The following PI15 variants were observed in gnomAD, a reference collection of about 807,000 sequenced individuals.
PI15 encodes the protein peptidase inhibitor 15.
In PI15, 18 loss-of-function variants were observed where a neutral mutation model predicts 31.0. The ratio of observed to expected loss-of-function variants is 0.58; its 90% CI spans 0.40 to 0.86. The LOEUF (loss-of-function observed/expected upper bound fraction) is 0.86, where lower values mean the gene tolerates loss of function less well. Ranked by LOEUF, PI15 falls within the 40% of genes least tolerant of loss-of-function variation. The pLI is 0.00. For synonymous variants in PI15, 118 were observed against 119.1 expected, an observed-to-expected ratio of 0.99 and a Z score of 0.06; for missense variants, 282 against 328.1, an observed-to-expected ratio of 0.86 and a Z score of 1.09.
intron 2 of PI15, among the ~76,000 whole-genome samples, chr8:74,840,830 G>T (rs1284848401): frequency 6.6e-6 from 1 of 152,204 alleles, no homozygotes. Flanking sequence ...CACAGTGAGA[G>T]AAAGCAATTA....
intron 2 of PI15, among the ~76,000 whole-genome samples, chr8:74,840,687 G>A (rs867871685): frequency 6.6e-6 from 1 of 152,136 alleles, no homozygotes; most frequent in Admixed American, 6.5e-5. Flanking sequence ...TCTGACTTCC[G>A]CTGCAGTGGG....
chr8:74,843,135 T>C (rs1345605664), intron 2 of PI15, among the ~76,000 whole-genome samples: 2 of 152,188 alleles, frequency 1.3e-5, no homozygotes, highest in Non-Finnish European at 2.9e-5. Flanking sequence ...CTTTGTTTCT[T>C]AAAATATATT....
At chr8:74,843,038 A>G (rs1406721228) in intron 2 of PI15, among the ~76,000 whole-genome samples, 1 of 152,154 alleles carries the variant, frequency 6.6e-6, no homozygotes, top group Non-Finnish European at 1.5e-5. Flanking sequence ...GTTTTATTAC[A>G]CCATAATAGA....
rs1810681097 is a variant in PI15 at position 74,825,410 on chromosome 8, C to G, written c.161C>G (p.Pro54Arg). Reference sequence around the variant, plus strand: ...GCACAATTAGATTCAGCGGATATCCCCAAAGCCAGGCGGAAGCGCTACATT... The same window carrying G: ...GCACAATTAGATTCAGCGGATATCCGCAAAGCCAGGCGGAAGCGCTACATT... The part of the protein sequence containing the change: ...LKAQLDSADI[P>R]KARRKRYISQ... Residue 54 changes from proline to arginine, a missense_variant, in exon 2 of 6, where the codon CCC becomes CGC. By Grantham distance (103) the Pro-to-Arg change is moderately radical. Transcript: ENST00000260113. 1 of 1,613,304 alleles carries G rather than the reference C, an allele frequency of 6.2e-7. No homozygotes were observed. The highest frequency in any genetic ancestry group is 1.3e-5 in the African/African-American group (1 of 74,854).
intron 2 of PI15, among the ~76,000 whole-genome samples, chr8:74,825,740 T>A (rs1249187551): frequency 6.6e-6 from 1 of 152,078 alleles, no homozygotes; most frequent in African/African-American, 2.4e-5. Flanking sequence ...GACAGACAGA[T>A]AGAGAGAATC....
intron 3 of PI15, 176 bp from the exon 4 acceptor site, chr8:74,844,952 C>CCCTA (rs1811002621): frequency 1.7e-6 from 1 of 600,006 alleles, no homozygotes; most frequent in Admixed American, 2.9e-5. Context: ...CCATGCTTGG[C>CCCTA]CCTAGTTGGA....
Position 74,849,338 on chromosome 8 carries a change from T to C in PI15, c.*85T>C. 1.0e-6 allele frequency: 1 copy of C among 1,004,304 alleles called. No individual in the cohort carries two copies. Among genetic ancestry groups the C allele is most frequent in the Non-Finnish European group, 1.4e-6 (1 of 696,430 alleles). The allele number at this position is 1,004,304 out of a possible 1,614,324, so 62.2% of individuals were successfully genotyped here. ...ATATGGAGAGAGAATTTTGCACATA[T>C]TATACATATTTTGTGCTAATCTTGT... On this transcript the variant is annotated 3_prime_UTR_variant, in exon 6 of 6. Coordinates refer to ENST00000260113, the MANE Select transcript of PI15 (RefSeq NM_015886.5).
chr8:74,831,796 G>A (rs1810785668), intron 2 of PI15, among the ~76,000 whole-genome samples: 2 of 152,088 alleles, frequency 1.3e-5, no homozygotes, highest in South Asian at 4.1e-4. Context: ...AGTTATACAG[G>A]TGTGAGTTAA....
intron 2 of PI15, among the ~76,000 whole-genome samples, chr8:74,827,200 T>C (rs1810712384): frequency 6.6e-6 from 1 of 152,086 alleles, no homozygotes; most frequent in Admixed American, 6.6e-5. Flanking sequence ...CTTTGTGGCC[T>C]TGCACAGGTT....
intron 2 of PI15, among the ~76,000 whole-genome samples, chr8:74,832,894 T>C (rs2128764065): frequency 6.6e-6 from 1 of 152,260 alleles, no homozygotes; most frequent in Non-Finnish European, 1.5e-5. Flanking sequence ...ACTGAAGTAG[T>C]CCAAAAGTGT....
rs577210460 is a variant in PI15 at position 74,839,292 on chromosome 8, A to G, written c.274-4689A>G. On this transcript the variant is annotated intron_variant, in intron 2 of 5. Transcript: ENST00000260113. ...TTATAAGCACAATAGCTCATGGTGA[A>G]TATTTTAGTCCAGAGCTAAATCAAC... Among the ~76,000 whole-genome samples the G allele has an allele frequency of 2.5e-3, 377 of 152,314 alleles. 2 individuals are homozygous for G. Among genetic ancestry groups the G allele is most frequent in the African/African-American group, 8.3e-3 (344 of 41,582 alleles).
At chr8:74,827,350 C>G (rs986559835) in intron 2 of PI15, among the ~76,000 whole-genome samples, 1 of 152,110 alleles carries the variant, frequency 6.6e-6, no homozygotes, top group African/African-American at 2.4e-5. Flanking sequence ...TAGGTAAACA[C>G]AGTATAAGTA....
chr8:74,833,113 G>C (rs1011578630), intron 2 of PI15, among the ~76,000 whole-genome samples: 1 of 152,054 alleles, frequency 6.6e-6, no homozygotes, highest in Non-Finnish European at 1.5e-5. Context: ...AGTATCACAG[G>C]AGAGTTCAAC....
At chr8:74,843,922 C>T in intron 2 of PI15, 59 bp from the exon 3 acceptor site, 1 of 826,766 alleles carries the variant, frequency 1.2e-6, no homozygotes, top group Non-Finnish European at 2.2e-6. Context: ...TTTATTTTGT[C>T]TTACTTTTTG....
At chr8:74,837,424 G>A (rs1037650388) in intron 2 of PI15, among the ~76,000 whole-genome samples, 2 of 151,994 alleles carry the variant, frequency 1.3e-5, no homozygotes, top group African/African-American at 2.4e-5. Context: ...TTTAACACAA[G>A]TTCTTGTATA....
At chr8:74,848,732 T>TAGAGAGAGAGAGAGAGAG (rs1004356103) in intron 5 of PI15, among the ~76,000 whole-genome samples, 3 of 136,354 alleles carry the variant, frequency 2.2e-5, no homozygotes, top group Non-Finnish European at 4.6e-5. Context: ...TATATATATA[T>TAGAGAGAGAGAGAGAGAG]AGAGAGAGAG....
In PI15 at chr8:74,849,149, G is replaced by C. The variant is rs773374926; in HGVS notation, c.673G>C (p.Val225Leu). 1.2e-6 allele frequency: 2 copies of C among 1,613,144 alleles called. No homozygotes were observed. The highest frequency in any genetic ancestry group is 2.2e-5 in the East Asian group (1 of 44,784). Residue 225 changes from valine (V) to leucine (L), a missense_variant, in exon 6 of 6, where the codon GTA (valine) becomes CTA (leucine). By Grantham distance (32) the Val-to-Leu change is conservative. Transcript: ENST00000260113. ...TTGGATTGGAGAAGCACCATATAAA[G>C]TAGGGGTACCATGTTCATCTTGTCC... ...GNWIGEAPYKVGVPCSSCPPS... is the reference protein window; with the variant it reads ...GNWIGEAPYKLGVPCSSCPPS...
At chr8:74,827,030 A>C (rs1202726771) in intron 2 of PI15, among the ~76,000 whole-genome samples, 1 of 152,094 alleles carries the variant, frequency 6.6e-6, no homozygotes, top group African/African-American at 2.4e-5. Flanking sequence ...TGATGAAATA[A>C]ATATGCCTAA....
chr8:74,844,527 T>C (rs1052013103), intron 3 of PI15, among the ~76,000 whole-genome samples: 2 of 151,712 alleles, frequency 1.3e-5, no homozygotes, highest in African/African-American at 4.8e-5. Flanking sequence ...CATAAACATA[T>C]ACAATAAAAA....
Sources: gnomAD v4.1 joint callset for allele counts (sites outside exome capture counted in the v4.1 genomes callset) on GRCh38, gnomAD v4.1.1 for gene constraint, MANE v1.5 for transcripts, NCBI Gene and HGNC (gene_info 2026-07-23, HGNC 2026-07-21) for gene names.